PRR12: variants seen among roughly 807,000 people sequenced by gnomAD.
PRR12 encodes the protein proline-rich protein 12.
Under a neutral mutation model 138.0 loss-of-function variants are expected in PRR12, and 12 were observed. The observed-to-expected ratio is 0.09, with a 90% CI of 0.06 to 0.14. PRR12 has a LOEUF of 0.14. Among genes scored for constraint, PRR12 ranks in the 10% least tolerant of loss-of-function variants. The probability of loss-of-function intolerance (pLI) is 1.00; values close to 1 mark genes in which losing one functional copy is unlikely to be tolerated. For synonymous variants in PRR12, 1,567 were observed against 1,291.7 expected (o/e 1.21, Z -4.57); for missense variants, 2,692 against 2,861.3 (o/e 0.94, Z 1.35).
At chr19:49,624,751 G>T (rs187618144) in intron 11 of PRR12, 93 bp from the exon 12 acceptor site, 1 of 1,523,992 alleles carries the variant, frequency 6.6e-7, no homozygotes, top group Non-Finnish European at 8.8e-7. Context: ...CTGCAGCCTG[G>T]GGGAAACTGA....
rs913982673 is a variant in PRR12 at position 49,593,531 on chromosome 19, G to GGCCGTGGCCCGT, written c.199+104_199+115dup. On this transcript the variant is annotated intron_variant, in intron 2 of 13. Transcript: ENST00000418929. ...GTTGAAAGTTCCGCCCCTCCTAATTGGCCGTGGCCCGTGCCGTGGCCCGCC... is the reference window on the plus strand; with the variant it reads ...GTTGAAAGTTCCGCCCCTCCTAATTGGCCGTGGCCCGTGCCGTGGCCCGTGCCGTGGCCCGCC... The GGCCGTGGCCCGT allele has an allele frequency of 1.4e-5, 9 of 622,484 alleles. No individual in the cohort carries two copies. In the East Asian group the frequency reaches 1.5e-4, roughly 11 times the overall value. 38.6% of individuals were successfully genotyped at this position (622,484 alleles called of 1,614,324 possible). A position where few individuals can be genotyped will look rare whatever the true frequency, so the allele number is the denominator to read the frequency against.
In PRR12 at chr19:49,614,858, G is replaced by A. The variant is rs371744573; in HGVS notation, c.4891-18G>A. 73 of 1,613,802 alleles carry A rather than the reference G, an allele frequency of 4.5e-5. No homozygotes were observed. Among genetic ancestry groups the A allele is most frequent in the Non-Finnish European group, 5.6e-5 (66 of 1,179,848 alleles). The stretch of plus-strand genomic sequence containing the variant: ...GGCAGTGTGAAGAATTTCCTCATGT[G>A]CCTCTTTCTCCCCATAGTATTTGGG... On this transcript the variant is annotated intron_variant, in intron 7 of 13. Transcript: ENST00000418929. The surrounding 1 kb of genome is among the most constrained non-coding windows in gnomAD (Gnocchi z 5.0).
At chr19:49,609,328 T>C (rs1298516258) in intron 6 of PRR12, among the ~76,000 whole-genome samples, 1 of 151,794 alleles carries the variant, frequency 6.6e-6, no homozygotes, top group Non-Finnish European at 1.5e-5. Flanking sequence ...TGTCTGGGCA[T>C]GGTGGTTCGC....
chr19:49,616,103 C>G lies in PRR12; in HGVS notation c.5381C>G (p.Pro1794Arg). ...CCTACCAAGGTGAAGGCTGAACCGC[C>G]CCCTAAGAAGAGGAAGAAATGGCTG... ...ARPTKVKAEP[P>R]PKKRKKWLKE... The change falls in exon 9 of 14, where the codon CCC (proline) becomes CGC (arginine). Residue 1794 changes from proline to arginine, a missense_variant. Around this residue, in one of 11 missense-constraint regions of PRR12, gnomAD observed 259 missense variants for 265.1 expected, o/e 0.98. Coordinates refer to ENST00000418929, the MANE Select transcript of PRR12 (RefSeq NM_020719.3). The surrounding 1 kb of genome is among the most constrained non-coding windows in gnomAD (Gnocchi z 4.2). The G allele has an allele frequency of 6.4e-7, 1 of 1,567,220 alleles. No individual in the cohort carries two copies. The highest frequency in any genetic ancestry group is 8.6e-7 in the Non-Finnish European group (1 of 1,156,664).
At chr19:49,608,045 A>G (rs2080847493) in intron 6 of PRR12, among the ~76,000 whole-genome samples, 1 of 152,156 alleles carries the variant, frequency 6.6e-6, no homozygotes, top group African/African-American at 2.4e-5. Flanking sequence ...AAAACTGTTA[A>G]TGATGTTTTA....
rs774514598 is a variant in PRR12 at position 49,616,006 on chromosome 19, G to A, written c.5284G>A (p.Gly1762Arg). The change falls in exon 9 of 14, where the codon GGA (glycine) becomes AGA (arginine). Residue 1762 changes from glycine to arginine, a missense_variant. Gly to Arg is a moderately radical substitution (Grantham distance 125). Coordinates refer to ENST00000418929, the MANE Select transcript of PRR12 (RefSeq NM_020719.3). The surrounding 1 kb of genome is among the most constrained non-coding windows in gnomAD (Gnocchi z 4.2). ...ATTGCGGGGTGAGCGGGCCACCAGC[G>A]GACGGCAGACACGGCCAGAGCGGAG... Reference protein sequence around the residue: ...RPLRGERATSGRQTRPERSLA... With the variant: ...RPLRGERATSRRQTRPERSLA... 12 of 1,553,162 alleles carry A rather than the reference G, an allele frequency of 7.7e-6. No individual in the cohort carries two copies. The Admixed American group carries it at 1.4e-4, about 18-fold the overall frequency.
chr19:49,610,176 T>C (rs895872784), intron 6 of PRR12, among the ~76,000 whole-genome samples: 3 of 152,080 alleles, frequency 2.0e-5, no homozygotes, highest in Non-Finnish European at 4.4e-5. Context: ...GGTTTCACCA[T>C]GTCGGCCAGG....
In PRR12 at chr19:49,594,752, C is replaced by T. The variant is rs867172821; in HGVS notation, c.417C>T (p.Ser139=). 1.2e-6 allele frequency: 2 copies of T among 1,613,532 alleles called. No individual in the cohort carries two copies. Among genetic ancestry groups the T allele is most frequent in the Middle Eastern group, 3.3e-4 (2 of 6,062 alleles). Residue 139 remains serine (S), a synonymous_variant, in exon 4 of 14, where the codon TCC becomes TCT. Transcript: ENST00000418929. The surrounding 1 kb of genome is among the most constrained non-coding windows in gnomAD (Gnocchi z 5.6). ...TCATCTCGGGTGCCCTGCCGGGTTC[C>T]AGCACCTTTCCGTCCTCATCTGCCC... ...ELFISGALPG[S]STFPSSSALS... is the part of the protein sequence containing the mutation.
chr19:49,610,348 T>G (rs1458206812), intron 6 of PRR12, among the ~76,000 whole-genome samples: 1 of 152,100 alleles, frequency 6.6e-6, no homozygotes, highest in Non-Finnish European at 1.5e-5. Context: ...TCCGCACTGC[T>G]TACACCACAT....
Position 49,595,034 on chromosome 19 carries a change from C to CCCA in PRR12, c.708_710dup (p.Pro238dup). ...CCCCTTACCGCCCTGGCCCCCCAGA[C>CCCA]CCACCACCACCTCCTCGCCACCTCC... is the stretch of plus-strand genomic sequence containing the variant. On this transcript the variant is annotated inframe_insertion, in exon 4 of 14. Coordinates refer to ENST00000418929, the MANE Select transcript of PRR12 (RefSeq NM_020719.3). 1.9e-6 allele frequency: 3 copies of CCCA among 1,607,618 alleles called. No individual in the cohort carries two copies. The highest frequency in any genetic ancestry group is 2.5e-6 in the Non-Finnish European group (3 of 1,177,944).
intron 11 of PRR12, among the ~76,000 whole-genome samples, chr19:49,623,490 G>A (rs973450722): frequency 2.7e-4 from 41 of 152,078 alleles, no homozygotes; most frequent in African/African-American, 9.7e-4. Context: ...AAATTAGCCG[G>A]GTGTGGTGGT....
At position 49,614,301 on chromosome 19, in the gene PRR12, G is replaced by C. The variant is rs1471235993; in HGVS notation, c.4774-232G>C. Reference sequence around the variant, plus strand: ...AAGCAATAGTGACTCAAACTCTACAGCCTGAGAACGAGCAGCCCAATCCAG... The same window carrying C: ...AAGCAATAGTGACTCAAACTCTACACCCTGAGAACGAGCAGCCCAATCCAG... On this transcript the variant is annotated intron_variant, in intron 6 of 13. Transcript: ENST00000418929. This position sits in a 1 kb window ranked among gnomAD's most constrained non-coding sequence, Gnocchi z 5.0. Among the ~76,000 whole-genome samples, 1 of 152,162 alleles carries C rather than the reference G, an allele frequency of 6.6e-6. No homozygotes were observed. The highest frequency in any genetic ancestry group is 2.4e-5 in the African/African-American group (1 of 41,440).
In PRR12 at chr19:49,599,948, G is replaced by A. The variant is rs769566503; in HGVS notation, c.4345+10G>A. Reference sequence around the variant, plus strand: ...AGCAATGGCACTCCCGGTGAGCTCTGGGCAGGTGGTCTGGGAGTAGAGCTT... The same window carrying A: ...AGCAATGGCACTCCCGGTGAGCTCTAGGCAGGTGGTCTGGGAGTAGAGCTT... On this transcript the variant is annotated intron_variant, in intron 5 of 13. Coordinates refer to ENST00000418929, the MANE Select transcript of PRR12 (RefSeq NM_020719.3). The surrounding 1 kb of genome is among the most constrained non-coding windows in gnomAD (Gnocchi z 5.0). 6.3e-7 allele frequency: 1 copy of A among 1,583,804 alleles called. No homozygotes were observed. The highest frequency in any genetic ancestry group is 8.6e-7 in the Non-Finnish European group (1 of 1,163,770).
At chr19:49,603,294 T>C (rs889824429) in intron 6 of PRR12, among the ~76,000 whole-genome samples, 4 of 152,266 alleles carry the variant, frequency 2.6e-5, no homozygotes, top group African/African-American at 4.8e-5. Flanking sequence ...ATTCTCACCC[T>C]GATGGTGGCA....
rs773970655 is a variant in PRR12, at chr19:49,594,662, T to C, written c.362-35T>C. On this transcript the variant is annotated intron_variant, in intron 3 of 13. Coordinates refer to ENST00000418929, the MANE Select transcript of PRR12 (RefSeq NM_020719.3). The surrounding 1 kb of genome is among the most constrained non-coding windows in gnomAD (Gnocchi z 5.6). Reference sequence around the variant, plus strand: ...CAGGGCCAGGGTGGGACTGGCTCGCTGTTCTCTCTGACGCGCGGTCTTCCT... The same window carrying C: ...CAGGGCCAGGGTGGGACTGGCTCGCCGTTCTCTCTGACGCGCGGTCTTCCT... 6.2e-7 allele frequency: 1 copy of C among 1,610,660 alleles called. No homozygotes were observed. The highest frequency in any genetic ancestry group is 1.3e-5 in the African/African-American group (1 of 74,970).
At chr19:49,591,799 G>A (rs1599781725) in intron 1 of PRR12, 59 bp downstream of exon 1, 4 of 942,500 alleles carry the variant, frequency 4.2e-6, no homozygotes, top group Non-Finnish European at 5.7e-6. Flanking sequence ...CAGCCGGGCC[G>A]GGCCGGGCCG....
intron 6 of PRR12, among the ~76,000 whole-genome samples, chr19:49,608,434 C>T (rs747744205): frequency 9.9e-5 from 15 of 152,068 alleles, no homozygotes; most frequent in East Asian, 3.8e-4. Flanking sequence ...CTCCACCTCC[C>T]GGGTTCAAGC....
intron 6 of PRR12, among the ~76,000 whole-genome samples, chr19:49,606,635 T>C (rs1186051975): frequency 6.7e-6 from 1 of 149,528 alleles, no homozygotes; most frequent in African/African-American, 2.5e-5. Context: ...TTTTCTTTTA[T>C]ACCATCTCTC....
intron 2 of PRR12, among the ~76,000 whole-genome samples, 179 bp downstream of exon 2, chr19:49,593,618 C>T (rs2080744592): frequency 6.6e-6 from 1 of 152,130 alleles, no homozygotes. Flanking sequence ...TCATTTCTCG[C>T]CGGATTCGTC....
Sources: allele counts gnomAD v4.1 joint callset (sites outside exome capture counted in the v4.1 genomes callset), GRCh38; gene constraint gnomAD v4.1.1; regional missense constraint gnomAD v4.1.1; non-coding constraint Gnocchi (gnomAD v3.1); transcripts MANE v1.5; gene names NCBI Gene and HGNC (gene_info 2026-07-23, HGNC 2026-07-21).